KCTD16: variants seen among roughly 807,000 people sequenced by gnomAD.
KCTD16 encodes potassium channel tetramerization domain containing 16.
KCTD16 carries 13 observed loss-of-function variants against 33.2 expected under a neutral mutation model. The ratio of observed to expected loss-of-function variants is 0.39; its 90% CI spans 0.25 to 0.62. KCTD16 has a LOEUF of 0.62. Among genes scored for constraint, KCTD16 ranks in the 20% least tolerant of loss-of-function variants. KCTD16 has a pLI of 0.50. For missense variants in KCTD16, 441 were observed against 525.1 expected, an observed-to-expected ratio of 0.84 and a Z score of 1.57; for synonymous variants, 197 against 195.3, an observed-to-expected ratio of 1.01 and a Z score of -0.07.
intron 3 of KCTD16, among the ~76,000 whole-genome samples, chr5:144,371,013 A>G (rs1216641716): frequency 6.6e-6 from 1 of 152,078 alleles, no homozygotes; most frequent in Non-Finnish European, 1.5e-5. Context: ...GGATGCCATC[A>G]TCTCAGAAAC....
At chr5:144,247,923 A>G (rs924185819) in intron 3 of KCTD16, among the ~76,000 whole-genome samples, 154 of 152,184 alleles carry the variant, frequency 1.0e-3, no homozygotes, top group African/African-American at 3.7e-3. Flanking sequence ...CCTGATGAGC[A>G]GGTCCTGGGC....
intron 2 of KCTD16, among the ~76,000 whole-genome samples, chr5:144,177,515 C>T (rs1020330050): frequency 1.3e-5 from 2 of 152,152 alleles, no homozygotes; most frequent in African/African-American, 4.8e-5. Flanking sequence ...TGAATCTGCT[C>T]CGTACCTCTT....
At chr5:144,417,767 T>G (rs542008709) in intron 3 of KCTD16, among the ~76,000 whole-genome samples, 17 of 152,306 alleles carry the variant, frequency 1.1e-4, no homozygotes, top group South Asian at 8.3e-4. Context: ...GAGTTTTTTT[T>G]GGGTCTATGT....
intron 3 of KCTD16, among the ~76,000 whole-genome samples, chr5:144,393,056 G>A (rs943610916): frequency 5.3e-5 from 8 of 152,134 alleles, no homozygotes; most frequent in African/African-American, 1.9e-4. Flanking sequence ...TTACACATAT[G>A]AGGATACTAT....
chr5:144,307,423 A>G (rs985587794), intron 3 of KCTD16, among the ~76,000 whole-genome samples: 1 of 151,978 alleles, frequency 6.6e-6, no homozygotes, highest in Admixed American at 6.6e-5. Flanking sequence ...CCATACCCCC[A>G]CCCTCAGCAC....
At chr5:144,350,973 T>G (rs952504244) in intron 3 of KCTD16, among the ~76,000 whole-genome samples, 1 of 152,148 alleles carries the variant, frequency 6.6e-6, no homozygotes, top group African/African-American at 2.4e-5. Context: ...ACACATTAAT[T>G]TGTAAGAAGC....
intron 3 of KCTD16, among the ~76,000 whole-genome samples, chr5:144,382,105 A>G (rs146158370): frequency 6.6e-6 from 1 of 152,302 alleles, no homozygotes; most frequent in East Asian, 1.9e-4. Flanking sequence ...AGCAACATGG[A>G]TGTAGCTGAG....
At chr5:144,428,252 C>G (rs1254342902) in intron 3 of KCTD16, among the ~76,000 whole-genome samples, 1 of 152,172 alleles carries the variant, frequency 6.6e-6, no homozygotes, top group African/African-American at 2.4e-5. Flanking sequence ...CCATTCTTTG[C>G]TGTTGCTTGT....
intron 3 of KCTD16, among the ~76,000 whole-genome samples, chr5:144,264,212 T>C (rs925771114): frequency 9.2e-5 from 14 of 152,258 alleles, no homozygotes; most frequent in Admixed American, 7.8e-4. Flanking sequence ...ACAATCTTTC[T>C]CTGTATAAAG....
At position 144,381,003 on chromosome 5, in the gene KCTD16, C is replaced by CA. The variant is rs551888363; in HGVS notation, c.833-92656dup. On this transcript the variant is annotated intron_variant, in intron 3 of 3. Coordinates refer to ENST00000512467, the MANE Select transcript of KCTD16 (RefSeq NM_020768.4). Reference sequence around the variant, plus strand: ...TCTGCACAGCAAAAGAAACTATCAACAGAGTAAACAGACAACCTATAGAAT... The same window carrying CA: ...TCTGCACAGCAAAAGAAACTATCAACAAGAGTAAACAGACAACCTATAGAAT... 2.6e-3 allele frequency among the ~76,000 whole-genome samples: 395 copies of CA among 152,162 alleles called. 1 individual carries two copies. The highest frequency in any genetic ancestry group is 4.3e-3 in the Admixed American group (66 of 15,278).
intron 3 of KCTD16, among the ~76,000 whole-genome samples, chr5:144,444,020 T>C (rs1753766314): frequency 6.6e-6 from 1 of 152,070 alleles, no homozygotes; most frequent in South Asian, 2.1e-4. Context: ...TTATCTTGTA[T>C]GTTTCCTTGA....
intron 3 of KCTD16, among the ~76,000 whole-genome samples, chr5:144,414,371 T>A (rs1036859064): frequency 1.3e-5 from 2 of 152,222 alleles, no homozygotes; most frequent in Non-Finnish European, 1.5e-5. Flanking sequence ...CAGAGTGCAC[T>A]AAGAGTACAT....
At chr5:144,284,278 C>T (rs1755682314) in intron 3 of KCTD16, among the ~76,000 whole-genome samples, 1 of 152,118 alleles carries the variant, frequency 6.6e-6, no homozygotes, top group African/African-American at 2.4e-5. Flanking sequence ...AAAGGGCAAA[C>T]ACTCCAGGAA....
intron 3 of KCTD16, among the ~76,000 whole-genome samples, chr5:144,217,155 G>A (rs779653428): frequency 5.3e-5 from 8 of 152,328 alleles, no homozygotes; most frequent in East Asian, 3.9e-4. Context: ...GCTGGATCAC[G>A]TTGAAAAGCA....
chr5:144,429,271 G>A (rs2126967986), intron 3 of KCTD16, among the ~76,000 whole-genome samples: 1 of 152,232 alleles, frequency 6.6e-6, no homozygotes, highest in East Asian at 1.9e-4. Context: ...CCTTAGACAA[G>A]CTTAAGCAAA....
At chr5:144,238,172 A>G (rs1754305231) in intron 3 of KCTD16, among the ~76,000 whole-genome samples, 1 of 152,154 alleles carries the variant, frequency 6.6e-6, no homozygotes, top group South Asian at 2.1e-4. Context: ...AGAGAAGGAG[A>G]TATTTTTGCA....
intron 3 of KCTD16, among the ~76,000 whole-genome samples, chr5:144,337,284 A>G (rs2126895944): frequency 6.6e-6 from 1 of 152,216 alleles, no homozygotes; most frequent in African/African-American, 2.4e-5. Context: ...GAAAAATTTT[A>G]TAGTTCCTAA....
chr5:144,429,935 T>G (rs1753420651), intron 3 of KCTD16, among the ~76,000 whole-genome samples: 1 of 149,944 alleles, frequency 6.7e-6, no homozygotes, highest in Admixed American at 6.6e-5. Flanking sequence ...GGAGGAGAAA[T>G]AGAAAGGGAA....
At chr5:144,360,216 A>G (rs1431061169) in intron 3 of KCTD16, among the ~76,000 whole-genome samples, 6 of 151,910 alleles carry the variant, frequency 3.9e-5, no homozygotes. Flanking sequence ...TACATTAGGT[A>G]TTTTGGTATT....
Sources: gnomAD v4.1 joint callset for allele counts (sites outside exome capture counted in the v4.1 genomes callset) on GRCh38, gnomAD v4.1.1 for gene constraint, MANE v1.5 for transcripts, NCBI Gene and HGNC (gene_info 2026-07-23, HGNC 2026-07-21) for gene names.